The following ARL14EP variants were observed in gnomAD, a reference collection of about 807,000 sequenced individuals.
The protein encoded by ARL14EP is ARF like GTPase 14 effector protein.
Under a neutral mutation model 23.1 loss-of-function variants are expected in ARL14EP, and 12 were observed. The observed-to-expected ratio is 0.52, with a 90% confidence interval of 0.33 to 0.84. ARL14EP has a LOEUF of 0.84. ARL14EP is among the 40% of genes least tolerant of loss of function. The pLI is 0.02. For missense variants in ARL14EP, 253 were observed against 307.3 expected, an observed-to-expected ratio of 0.82 and a Z score of 1.32; for synonymous variants, 97 against 102.0, an observed-to-expected ratio of 0.95 and a Z score of 0.29.
intron 2 of ARL14EP, among the ~76,000 whole-genome samples, chr11:30,331,989 T>G (rs1428303063): frequency 6.6e-6 from 1 of 152,130 alleles, no homozygotes; most frequent in Non-Finnish European, 1.5e-5. Flanking sequence ...TTGTAAAGTA[T>G]TAAATATTTT....
At chr11:30,323,850 A>G (rs1350979369) in intron 1 of ARL14EP, among the ~76,000 whole-genome samples, 2 of 152,228 alleles carry the variant, frequency 1.3e-5, no homozygotes, top group East Asian at 3.8e-4. Flanking sequence ...TACTTTCCTC[A>G]GGGTGGCTAT....
intron 1 of ARL14EP, among the ~76,000 whole-genome samples, chr11:30,327,475 A>G (rs544042032): frequency 3.0e-4 from 45 of 152,328 alleles, no homozygotes; most frequent in African/African-American, 9.1e-4. Flanking sequence ...TTCCTATCAA[A>G]TATGACCATG....
In ARL14EP at chr11:30,323,138, G is replaced by C. The variant is rs1947206776; in HGVS notation, c.-128G>C. 6.5e-6 allele frequency: 1 copy of C among 152,710 alleles called. No individual in the cohort carries two copies. The highest frequency in any genetic ancestry group is 1.5e-5 in the Non-Finnish European group (1 of 68,416). The allele number at this position is 152,710 out of a possible 1,614,324, so 9.5% of individuals were successfully genotyped here. On this transcript the variant is annotated 5_prime_UTR_variant, in exon 1 of 4. Coordinates refer to ENST00000282032, the MANE Select transcript of ARL14EP (RefSeq NM_152316.3). The stretch of plus-strand genomic sequence containing the variant: ...GCGGGGACTGGCTGGGAAGCGGTCG[G>C]TCGAGTGTGGCCTGTGTGGACTCGC...
At chr11:30,326,853 T>G (rs1947238789) in intron 1 of ARL14EP, among the ~76,000 whole-genome samples, 1 of 150,266 alleles carries the variant, frequency 6.7e-6, no homozygotes, top group Non-Finnish European at 1.5e-5. Flanking sequence ...TTTACTCAAG[T>G]GAGTGGGATT....
In ARL14EP at chr11:30,337,079, G is replaced by T. The variant is rs1246900024; in HGVS notation, c.*284G>T. ...CATGGGCACAAATTTCAGTGACCTA[G>T]ATTTAGTTTAAATACCAGTTTCCTT... is the stretch of plus-strand genomic sequence containing the variant. On this transcript the variant is annotated 3_prime_UTR_variant, in exon 4 of 4. Transcript: ENST00000282032. The T allele has an allele frequency of 5.6e-5, 21 of 372,200 alleles. No homozygotes were observed. The Admixed American group carries it at 8.6e-4, about 15-fold the overall frequency. The allele number at this position is 372,200 out of a possible 1,614,324, so 23.1% of individuals were successfully genotyped here.
chr11:30,331,247 T>C lies in ARL14EP; in HGVS notation c.299T>C (p.Phe100Ser). 6.2e-7 allele frequency: 1 copy of C among 1,614,018 alleles called. No individual in the cohort carries two copies. Residue 100 changes from phenylalanine (F) to serine (S), a missense_variant, in exon 2 of 4, where the codon TTT becomes TCT. Physicochemically the swap from Phe to Ser is radical, Grantham distance 155. Coordinates refer to ENST00000282032, the MANE Select transcript of ARL14EP (RefSeq NM_152316.3). ...GTAATTGACTTAGATGATGCCACTT[T>C]TCTGAGTGCTAAATTTGGAAGACAG... ...LHVIDLDDAT[F>S]LSAKFGRQLV... is the part of the protein sequence containing the mutation.
At chr11:30,332,347 A>G (rs1353075787) in intron 2 of ARL14EP, among the ~76,000 whole-genome samples, 1 of 151,538 alleles carries the variant, frequency 6.6e-6, no homozygotes, top group Non-Finnish European at 1.5e-5. Flanking sequence ...TTCTTGTAGA[A>G]TATATCAGCT....
intron 3 of ARL14EP, among the ~76,000 whole-genome samples, chr11:30,335,009 CAGTG>C (rs1391584015): frequency 1.3e-5 from 2 of 152,202 alleles, no homozygotes; most frequent in African/African-American, 4.8e-5. Flanking sequence ...CTGCCATAGA[CAGTG>C]AGTGATTCCT....
In ARL14EP at chr11:30,330,875, A is replaced by G; in HGVS notation, c.-63-11A>G. ...CAGCACAAATTTGATTCTCTTTAAT[A>G]TTTTCTCTAGGGTGATCAGCCCATG... On this transcript the variant is annotated splice_polypyrimidine_tract_variant and intron_variant, in intron 1 of 3. Coordinates refer to ENST00000282032, the MANE Select transcript of ARL14EP (RefSeq NM_152316.3). 2.1e-6 allele frequency: 3 copies of G among 1,429,638 alleles called. No individual in the cohort carries two copies. The highest frequency in any genetic ancestry group is 2.5e-5 in the South Asian group (2 of 81,492). 88.6% of individuals were successfully genotyped at this position (1,429,638 alleles called of 1,614,324 possible). A position where few individuals can be genotyped will look rare whatever the true frequency, so the allele number is the denominator to read the frequency against.
At chr11:30,335,553 T>C (rs191727338) in intron 3 of ARL14EP, among the ~76,000 whole-genome samples, 55 of 152,274 alleles carry the variant, frequency 3.6e-4, no homozygotes, top group Admixed American at 2.8e-3. Flanking sequence ...ACGACCTCCC[T>C]GATCAGTCAG....
intron 2 of ARL14EP, among the ~76,000 whole-genome samples, chr11:30,332,062 C>T (rs1438159633): frequency 6.6e-6 from 1 of 151,956 alleles, no homozygotes; most frequent in African/African-American, 2.4e-5. Context: ...CTTAAGTTTT[C>T]ATAAAGCTAT....
intron 2 of ARL14EP, 87 bp from the exon 3 acceptor site, chr11:30,332,779 G>C: frequency 6.7e-7 from 1 of 1,495,562 alleles, no homozygotes; most frequent in East Asian, 2.3e-5. Context: ...TCCATGTTAG[G>C]GAATCGTCTG....
chr11:30,327,091 G>C (rs4427542), intron 1 of ARL14EP, among the ~76,000 whole-genome samples: 72,884 of 151,958 alleles, frequency 0.48, 17,691 homozygotes, highest in East Asian at 0.64. Context: ...AGCTCAATGT[G>C]CTGCCTGTTA....
rs1947229173 is a variant in ARL14EP, at chr11:30,325,410, TTA to T, written c.-64+2209_-64+2210del. 2.0e-5 allele frequency among the ~76,000 whole-genome samples: 3 copies of T among 152,304 alleles called. No homozygotes were observed. The South Asian group carries it at 6.2e-4, about 32-fold the overall frequency. ...GTAAACAAGGGGGGATCCTTGAGTC[TTA>T]CCTAACTCAAGGGTGGGAGGATTTT... On this transcript the variant is annotated intron_variant, in intron 1 of 3. Coordinates refer to ENST00000282032, the MANE Select transcript of ARL14EP (RefSeq NM_152316.3).
At chr11:30,324,237 C>T (rs1367225617) in intron 1 of ARL14EP, among the ~76,000 whole-genome samples, 1 of 152,072 alleles carries the variant, frequency 6.6e-6, no homozygotes, top group Admixed American at 6.5e-5. Flanking sequence ...GACCCTATGC[C>T]AAGAAAAGCC....
intron 1 of ARL14EP, chr11:30,328,519 C>T (rs1947259136): frequency 6.6e-6 from 1 of 152,152 alleles, no homozygotes; most frequent in Non-Finnish European, 1.5e-5. Context: ...TAAAAACTGA[C>T]TAAAACACAG....
intron 1 of ARL14EP, chr11:30,329,676 A>G (rs7927974): frequency 0.35 from 53,824 of 151,994 alleles, 10,066 homozygotes; most frequent in East Asian, 0.6. Context: ...CCTAGGAACT[A>G]TGGGGGAAAC....
At chr11:30,325,074 T>C (rs1947226956) in intron 1 of ARL14EP, among the ~76,000 whole-genome samples, 1 of 152,258 alleles carries the variant, frequency 6.6e-6, no homozygotes, top group East Asian at 1.9e-4. Context: ...AAAGGGACTT[T>C]TGCAATGGGT....
chr11:30,331,663 A>G (rs1326248286), intron 2 of ARL14EP: 1 of 1,222,196 alleles, frequency 8.2e-7, no homozygotes, highest in African/African-American at 1.6e-5. Flanking sequence ...TATTCTGGCC[A>G]AGCCAGGATT....
Sources: allele counts gnomAD v4.1 joint callset (sites outside exome capture counted in the v4.1 genomes callset), GRCh38; gene constraint gnomAD v4.1.1; transcripts MANE v1.5; gene names NCBI Gene and HGNC (gene_info 2026-07-23, HGNC 2026-07-21).